SUMF1: variants seen among roughly 807,000 people sequenced by gnomAD.
The protein encoded by SUMF1 is sulfatase modifying factor 1.
SUMF1 carries 48 observed loss-of-function variants against 47.6 expected under a neutral mutation model. That is an observed-to-expected ratio of 1.01 (90% CI 0.80 to 1.28). SUMF1 has a LOEUF of 1.28. Ranked by LOEUF, SUMF1 falls within the 50% of genes most tolerant of loss-of-function variation. The probability of loss-of-function intolerance (pLI) is 0.00; values close to 1 mark genes in which losing one functional copy is unlikely to be tolerated. For missense variants in SUMF1, 571 were observed against 485.4 expected (o/e 1.18, Z -1.66); for synonymous variants, 230 against 192.1 (o/e 1.20, Z -1.63).
At chr3:4,310,079 T>C (rs1698345329) in intron 8 of SUMF1, among the ~76,000 whole-genome samples, 1 of 152,238 alleles carries the variant, frequency 6.6e-6, no homozygotes. Context: ...CAGTGGTGTT[T>C]GTGTATCTAA....
intron 8 of SUMF1, among the ~76,000 whole-genome samples, chr3:4,144,052 C>A (rs1171668891): frequency 6.7e-6 from 1 of 149,774 alleles, no homozygotes; most frequent in East Asian, 2.0e-4. Context: ...GTGTAGTGGC[C>A]CGATCTCGGC....
intron 7 of SUMF1, among the ~76,000 whole-genome samples, chr3:4,382,731 T>C (rs1700546160): frequency 6.6e-6 from 1 of 152,198 alleles, no homozygotes; most frequent in African/African-American, 2.4e-5. Context: ...CATGGGATAC[T>C]ACGTAGCCAT....
intron 8 of SUMF1, among the ~76,000 whole-genome samples, chr3:4,349,334 A>G (rs116194319): frequency 0.014 from 2,073 of 152,286 alleles, 52 homozygotes; most frequent in African/African-American, 0.047. Flanking sequence ...TCAAGAAACA[A>G]TAGAGGCTAG....
At chr3:4,124,050 C>T (rs944169780) in intron 8 of SUMF1, among the ~76,000 whole-genome samples, 1 of 152,114 alleles carries the variant, frequency 6.6e-6, no homozygotes, top group Non-Finnish European at 1.5e-5. Flanking sequence ...GATTGAGACC[C>T]CTGTTGATAA....
chr3:4,132,461 T>C (rs923958650), intron 8 of SUMF1, among the ~76,000 whole-genome samples: 13 of 152,098 alleles, frequency 8.5e-5, no homozygotes, highest in African/African-American at 3.1e-4. Flanking sequence ...CCATGTATGC[T>C]CTGAATCACC....
At chr3:4,263,006 CCT>C (rs1193448943) in intron 8 of SUMF1, among the ~76,000 whole-genome samples, 1 of 152,120 alleles carries the variant, frequency 6.6e-6, no homozygotes, top group Non-Finnish European at 1.5e-5. Context: ...TGTGTTTTCT[CCT>C]CTGTTTCCAA....
At chr3:4,339,614 T>A (rs1202310592) in intron 8 of SUMF1, among the ~76,000 whole-genome samples, 4 of 152,118 alleles carry the variant, frequency 2.6e-5, no homozygotes, top group Admixed American at 2.6e-4. Context: ...TCAGTGGATG[T>A]AGACTGCCCC....
At chr3:4,342,291 G>C (rs1049532750) in intron 8 of SUMF1, among the ~76,000 whole-genome samples, 2 of 152,190 alleles carry the variant, frequency 1.3e-5, no homozygotes, top group Non-Finnish European at 2.9e-5. Context: ...TCAGCACTTT[G>C]GGAGGCCAAG....
At chr3:4,201,643 T>C (rs1695542327) in intron 8 of SUMF1, among the ~76,000 whole-genome samples, 1 of 152,124 alleles carries the variant, frequency 6.6e-6, no homozygotes, top group Non-Finnish European at 1.5e-5. Flanking sequence ...ATTTCCTTTC[T>C]TTTGGGCAAA....
chr3:4,335,394 C>T (rs1437608066), intron 8 of SUMF1, among the ~76,000 whole-genome samples: 2 of 152,148 alleles, frequency 1.3e-5, no homozygotes, highest in East Asian at 3.9e-4. Flanking sequence ...TTAACTTTGA[C>T]CTACAGCTAC....
intron 7 of SUMF1, among the ~76,000 whole-genome samples, chr3:4,395,890 A>C (rs1402780104): frequency 6.6e-6 from 1 of 152,182 alleles, no homozygotes. Flanking sequence ...TAAATAAACA[A>C]TAGCAGCTAA....
chr3:4,198,883 C>T (rs1007564237), intron 8 of SUMF1, among the ~76,000 whole-genome samples: 1 of 152,100 alleles, frequency 6.6e-6, no homozygotes, highest in Non-Finnish European at 1.5e-5. Flanking sequence ...AAAAAAGAGT[C>T]TACTCACTTT....
At chr3:4,130,858 A>G (rs1301690702) in intron 8 of SUMF1, among the ~76,000 whole-genome samples, 1 of 152,168 alleles carries the variant, frequency 6.6e-6, no homozygotes, top group Admixed American at 6.6e-5. Context: ...AGAAGGCTCT[A>G]CAACAGGTCC....
intron 8 of SUMF1, among the ~76,000 whole-genome samples, chr3:4,305,096 G>GT (rs896215929): frequency 4.0e-5 from 6 of 151,584 alleles, no homozygotes; most frequent in East Asian, 1.9e-4. Flanking sequence ...AAGATAAAGG[G>GT]TTTTTTTTTG....
chr3:4,349,884 G>A (rs1699451151), intron 8 of SUMF1, among the ~76,000 whole-genome samples: 1 of 151,496 alleles, frequency 6.6e-6, no homozygotes, highest in Admixed American at 6.6e-5. Flanking sequence ...AATAGGCGCA[G>A]CAAACCAACA....
chr3:4,094,314 C>A (rs1692853335), intron 8 of SUMF1, among the ~76,000 whole-genome samples: 1 of 151,976 alleles, frequency 6.6e-6, no homozygotes, highest in East Asian at 1.9e-4. Context: ...TGAATAGGCA[C>A]TGGAGATAGA....
chr3:4,084,136 T>C (rs967180039), intron 8 of SUMF1, among the ~76,000 whole-genome samples: 3 of 152,232 alleles, frequency 2.0e-5, no homozygotes, highest in Admixed American at 2.0e-4. Context: ...CTCTAATTCC[T>C]TTGGAAGTCA....
intron 3 of SUMF1, among the ~76,000 whole-genome samples, chr3:4,436,227 A>G (rs11713682): frequency 0.27 from 40,403 of 152,158 alleles, 6,081 homozygotes; most frequent in Middle Eastern, 0.36. Context: ...AATATATGAC[A>G]ACTCTAACAC....
chr3:4,212,338 G>T (rs1054739916), intron 8 of SUMF1, among the ~76,000 whole-genome samples: 2 of 152,146 alleles, frequency 1.3e-5, no homozygotes, highest in African/African-American at 4.8e-5. Flanking sequence ...CGGCAGAGGG[G>T]CCTGATTGTT....
Sources: allele counts gnomAD v4.1 joint callset (sites outside exome capture counted in the v4.1 genomes callset), GRCh38; gene constraint gnomAD v4.1.1; transcripts MANE v1.5; gene names NCBI Gene and HGNC (gene_info 2026-07-23, HGNC 2026-07-21).